The following DISP1 variants were observed in gnomAD, a reference collection of about 807,000 sequenced individuals.
The protein encoded by DISP1 is dispatched RND transporter family member 1, also known as protein dispatched homolog 1.
Under a neutral mutation model 37.3 loss-of-function variants are expected in DISP1, and 30 were observed. That is an observed-to-expected ratio of 0.80 (90% CI 0.60 to 1.09). The LOEUF is 1.09. Among genes scored for constraint, DISP1 ranks in the 50% least tolerant of loss-of-function variants. The pLI is 0.00. For synonymous variants in DISP1, 634 were observed against 690.2 expected, an observed-to-expected ratio of 0.92 and a Z score of 1.28; for missense variants, 1,598 against 1,879.5, an observed-to-expected ratio of 0.85 and a Z score of 2.77.
chr1:222,908,305 T>A (rs143268787), intron 1 of DISP1, among the ~76,000 whole-genome samples: 1,928 of 152,256 alleles, frequency 0.013, 39 homozygotes, highest in African/African-American at 0.044. Context: ...TGAGCTATGA[T>A]CATGCCACTG....
At chr1:222,991,738 G>A in intron 6 of DISP1, 91 bp downstream of exon 6, 1 of 1,391,232 alleles carries the variant, frequency 7.2e-7, no homozygotes, top group Non-Finnish European at 9.9e-7. Flanking sequence ...AAATTTAAAT[G>A]TAAAATGTGT....
At chr1:222,896,695 A>T (rs1671281722) in intron 1 of DISP1, among the ~76,000 whole-genome samples, 1 of 152,196 alleles carries the variant, frequency 6.6e-6, no homozygotes, top group Non-Finnish European at 1.5e-5. Flanking sequence ...TGTATCTAGA[A>T]TGTTAAAAGA....
At chr1:222,908,152 A>G (rs185647986) in intron 1 of DISP1, among the ~76,000 whole-genome samples, 1 of 152,246 alleles carries the variant, frequency 6.6e-6, no homozygotes, top group Admixed American at 6.5e-5. Flanking sequence ...ATGTCAATTT[A>G]TTATGTATAG....
chr1:222,999,530 T>A (rs77234799), intron 8 of DISP1, among the ~76,000 whole-genome samples: 2 of 152,194 alleles, frequency 1.3e-5, no homozygotes, highest in African/African-American at 4.8e-5. Context: ...TTTGGTACTT[T>A]CTCTGTAGGT....
At chr1:222,964,291 C>G (rs1484367646) in intron 3 of DISP1, among the ~76,000 whole-genome samples, 3 of 56,140 alleles carry the variant, frequency 5.3e-5, no homozygotes, top group South Asian at 8.7e-4. Flanking sequence ...GAGCGAGACT[C>G]TATCTCAAAA....
At chr1:222,977,185 A>C (rs941738213) in intron 3 of DISP1, among the ~76,000 whole-genome samples, 12 of 144,292 alleles carry the variant, frequency 8.3e-5, no homozygotes, top group African/African-American at 2.7e-4. Flanking sequence ...ATGCACCACC[A>C]TGCCCGGCTA....
chr1:222,874,596 G>A (rs1031979055), intron 1 of DISP1, among the ~76,000 whole-genome samples: 6 of 152,076 alleles, frequency 3.9e-5, no homozygotes, highest in Admixed American at 2.0e-4. Context: ...TCGTGCCTTG[G>A]TTTTCAGCTC....
intron 1 of DISP1, among the ~76,000 whole-genome samples, chr1:222,842,697 A>C (rs1667683209): frequency 6.6e-6 from 1 of 152,052 alleles, no homozygotes; most frequent in African/African-American, 2.4e-5. Context: ...GGCTTTGGAG[A>C]GTCACAGTAT....
chr1:222,885,161 T>C lies in DISP1; in HGVS notation c.-158-43269T>C, dbSNP rs146053663. On this transcript the variant is annotated intron_variant, in intron 1 of 8. Transcript: ENST00000675850. ...GATGGCTTTTAAATTTCTACATTTC[T>C]TCTACATTCAGTAATTGGAAAGCTA... Among the ~76,000 whole-genome samples the C allele has an allele frequency of 2.9e-3, 448 of 152,318 alleles. 3 individuals carry two copies. The highest frequency in any genetic ancestry group is 0.01 in the African/African-American group (435 of 41,576).
intron 1 of DISP1, among the ~76,000 whole-genome samples, chr1:222,871,382 A>C (rs990262418): frequency 6.6e-6 from 1 of 152,172 alleles, no homozygotes; most frequent in Non-Finnish European, 1.5e-5. Context: ...TACCTTGGGC[A>C]GTATGGCCAT....
chr1:222,947,980 G>T (rs139923541), intron 3 of DISP1, among the ~76,000 whole-genome samples: 89 of 152,260 alleles, frequency 5.8e-4, no homozygotes, highest in African/African-American at 1.9e-3. Flanking sequence ...TACTAGATTT[G>T]GTGGATGATT....
intron 1 of DISP1, among the ~76,000 whole-genome samples, chr1:222,874,720 C>A (rs1669855842): frequency 6.6e-6 from 1 of 152,104 alleles, no homozygotes; most frequent in Non-Finnish European, 1.5e-5. Flanking sequence ...TCCTTTAGCT[C>A]AGAGTAGTTT....
chr1:222,841,445 C>T (rs1667607424), intron 1 of DISP1, among the ~76,000 whole-genome samples: 1 of 152,162 alleles, frequency 6.6e-6, no homozygotes, highest in African/African-American at 2.4e-5. Flanking sequence ...GGTACTCACT[C>T]AAGGTTATCC....
At chr1:222,889,560 AT>A (rs35743676) in intron 1 of DISP1, among the ~76,000 whole-genome samples, 13,484 of 141,552 alleles carry the variant, frequency 0.095, 624 homozygotes, top group Non-Finnish European at 0.12. Context: ...CCATGCAACT[AT>A]TTTTTTTTTT....
chr1:222,904,551 C>CT (rs934946145), intron 1 of DISP1, among the ~76,000 whole-genome samples: 26 of 149,716 alleles, frequency 1.7e-4, no homozygotes, highest in Middle Eastern at 3.2e-3. Context: ...TTCAGAGACT[C>CT]TTTTTTTTTA....
chr1:223,004,845 C>T lies in DISP1; in HGVS notation c.3448C>T (p.Gln1150Ter). 1.9e-6 allele frequency: 3 copies of T among 1,609,782 alleles called. No individual in the cohort carries two copies. The highest frequency in any genetic ancestry group is 2.5e-6 in the Non-Finnish European group (3 of 1,179,968). ...TCAGATTCCTTTACCTAAAAAACTACAGTGCAGTGCCTTTTCCCATGCCTT... is the reference window on the plus strand; with the variant it reads ...TCAGATTCCTTTACCTAAAAAACTATAGTGCAGTGCCTTTTCCCATGCCTT... ...CGQIPLPKKLQCSAFSHALST... is the reference protein window; with the variant it reads ...CGQIPLPKKL The change falls in exon 9 of 9, where the codon CAG (glutamine) becomes TAG (stop). Residue 1150 changes from glutamine to a stop codon, truncating the protein, a stop_gained. Transcript: ENST00000675850. LOFTEE classifies it low-confidence loss of function (END_TRUNC). The surrounding 1 kb of genome is among the most constrained non-coding windows in gnomAD (Gnocchi z 4.9).
intron 1 of DISP1, among the ~76,000 whole-genome samples, chr1:222,843,863 G>A (rs927207826): frequency 6.6e-6 from 1 of 152,052 alleles, no homozygotes; most frequent in Non-Finnish European, 1.5e-5. Context: ...ATTAAAAGAC[G>A]CAAAAGCCCC....
intron 3 of DISP1, among the ~76,000 whole-genome samples, chr1:222,957,023 C>A (rs1012773636): frequency 1.3e-5 from 2 of 151,558 alleles, no homozygotes; most frequent in African/African-American, 4.9e-5. Flanking sequence ...ATTGTAACTT[C>A]ATAGGCTAAG....
At chr1:222,852,936 T>C (rs1213029478) in intron 1 of DISP1, among the ~76,000 whole-genome samples, 1 of 152,146 alleles carries the variant, frequency 6.6e-6, no homozygotes, top group Non-Finnish European at 1.5e-5. Flanking sequence ...TAGTGGGTAT[T>C]TGAGAAAAAC....
Sources: allele counts gnomAD v4.1 joint callset (sites outside exome capture counted in the v4.1 genomes callset), GRCh38; gene constraint gnomAD v4.1.1; non-coding constraint Gnocchi (gnomAD v3.1); transcripts MANE v1.5; gene names NCBI Gene and HGNC (gene_info 2026-07-23, HGNC 2026-07-21).